EML6: variants seen among roughly 807,000 people sequenced by gnomAD.
EML6 encodes echinoderm microtubule-associated protein-like 6.
Under a neutral mutation model 240.1 loss-of-function variants are expected in EML6, and 154 were observed. The observed-to-expected ratio is 0.64, with a 90% CI of 0.56 to 0.73. EML6 has a LOEUF of 0.73. EML6 is among the 30% of genes least tolerant of loss of function. The probability of loss-of-function intolerance (pLI) is 0.00; values close to 1 mark genes in which losing one functional copy is unlikely to be tolerated. For synonymous variants in EML6, 1,148 were observed against 899.0 expected (o/e 1.28, Z -4.95); for missense variants, 2,964 against 2,474.6 (o/e 1.20, Z -4.20).
intron 2 of EML6, among the ~76,000 whole-genome samples, chr2:54,730,040 G>T (rs1683085609): frequency 6.6e-6 from 1 of 152,076 alleles, no homozygotes; most frequent in Non-Finnish European, 1.5e-5. Flanking sequence ...GGGACCTAGG[G>T]CCAGAGAATC....
intron 16 of EML6, among the ~76,000 whole-genome samples, chr2:54,874,520 G>A (rs1294937093): frequency 1.3e-5 from 2 of 152,130 alleles, no homozygotes; most frequent in Non-Finnish European, 2.9e-5. Flanking sequence ...CAGCAAATGT[G>A]TTGTTTTTGC....
intron 2 of EML6, among the ~76,000 whole-genome samples, chr2:54,770,231 T>G (rs778052963): frequency 1.4e-4 from 22 of 152,326 alleles, no homozygotes; most frequent in Non-Finnish European, 2.6e-4. Flanking sequence ...ATAAATAGTA[T>G]AAGGATATAA....
chr2:54,895,753 C>T (rs1015529480), intron 21 of EML6, among the ~76,000 whole-genome samples: 4 of 152,096 alleles, frequency 2.6e-5, no homozygotes, highest in African/African-American at 9.7e-5. Flanking sequence ...AATTAAGTTG[C>T]TTGTAAGTGT....
chr2:54,794,434 A>G (rs527608609), intron 2 of EML6, among the ~76,000 whole-genome samples: 1 of 152,246 alleles, frequency 6.6e-6, no homozygotes, highest in African/African-American at 2.4e-5. Context: ...TGATTACTAA[A>G]ACGTTAGTTC....
At chr2:54,880,245 T>A (rs953649427) in intron 17 of EML6, 1 of 152,384 alleles carries the variant, frequency 6.6e-6, no homozygotes, top group Non-Finnish European at 1.5e-5. Context: ...CCTACTTACA[T>A]TGAGCTCAGC....
At chr2:54,924,970 T>C (rs1041243244) in intron 26 of EML6, among the ~76,000 whole-genome samples, 1 of 152,254 alleles carries the variant, frequency 6.6e-6, no homozygotes, top group Non-Finnish European at 1.5e-5. Context: ...GTCTAACTGC[T>C]ATCACTCTGT....
intron 32 of EML6, 55 bp from the exon 33 acceptor site, chr2:54,957,735 C>T: frequency 1.3e-6 from 2 of 1,517,046 alleles, no homozygotes; most frequent in Non-Finnish European, 1.8e-6. Flanking sequence ...TGCGGCTCCC[C>T]CGGCCTGGCC....
At chr2:54,764,448 C>T (rs76689372) in intron 2 of EML6, among the ~76,000 whole-genome samples, 5,527 of 152,126 alleles carry the variant, frequency 0.036, 139 homozygotes, top group Admixed American at 0.08. Context: ...CCCTATTGCT[C>T]GTGAAACCTG....
intron 18 of EML6, among the ~76,000 whole-genome samples, chr2:54,891,623 C>G (rs1027028011): frequency 6.6e-6 from 1 of 152,148 alleles, no homozygotes; most frequent in African/African-American, 2.4e-5. Flanking sequence ...AGTAAATAAG[C>G]ATGAGAAAAC....
At chr2:54,841,311 C>A (rs934245238) in intron 7 of EML6, among the ~76,000 whole-genome samples, 2 of 152,186 alleles carry the variant, frequency 1.3e-5, no homozygotes, top group African/African-American at 2.4e-5. Context: ...CTCCTCCTGG[C>A]GGGAATAATA....
intron 2 of EML6, among the ~76,000 whole-genome samples, chr2:54,791,010 C>T (rs1175685361): frequency 6.6e-6 from 1 of 152,158 alleles, no homozygotes; most frequent in Non-Finnish European, 1.5e-5. Flanking sequence ...CAGGCGTGAG[C>T]CACCGCGCCC....
intron 26 of EML6, among the ~76,000 whole-genome samples, chr2:54,926,573 C>A (rs1008463391): frequency 7.9e-5 from 12 of 152,240 alleles, no homozygotes; most frequent in African/African-American, 2.9e-4. Context: ...CCTCCGTAGG[C>A]CCTGCCGGGA....
chr2:54,801,371 G>A lies in EML6; in HGVS notation c.198-11861G>A, dbSNP rs557354978. On this transcript the variant is annotated intron_variant, in intron 2 of 41. Coordinates refer to ENST00000356458, the MANE Select transcript of EML6 (RefSeq NM_001039753.4). The stretch of plus-strand genomic sequence containing the variant: ...GGAATTGAAAATTTCTTCCTATGAC[G>A]TGTCTGAGAATATGAAGTAATGAAA... Among the ~76,000 whole-genome samples, 251 of 151,932 alleles carry A rather than the reference G, an allele frequency of 1.7e-3. 1 individual carries two copies. The highest frequency in any genetic ancestry group is 5.8e-3 in the African/African-American group (239 of 41,424).
chr2:54,799,865 G>C (rs1210207685), intron 2 of EML6, among the ~76,000 whole-genome samples: 3 of 152,212 alleles, frequency 2.0e-5, no homozygotes, highest in Non-Finnish European at 4.4e-5. Flanking sequence ...TTACTAGATA[G>C]AGCTCTCTGA....
At chr2:54,754,740 T>G (rs1430411351) in intron 2 of EML6, among the ~76,000 whole-genome samples, 1 of 152,224 alleles carries the variant, frequency 6.6e-6, no homozygotes, top group African/African-American at 2.4e-5. Flanking sequence ...GTCCTGTTAA[T>G]GAAATATTTC....
intron 14 of EML6, 137 bp from the exon 15 acceptor site, chr2:54,869,044 C>A: frequency 1.8e-6 from 1 of 550,782 alleles, no homozygotes; most frequent in Non-Finnish European, 3.2e-6. Context: ...CTCATTTAAA[C>A]ATTGCTGTCC....
chr2:54,790,505 C>G (rs1296349257), intron 2 of EML6, among the ~76,000 whole-genome samples: 2 of 152,260 alleles, frequency 1.3e-5, no homozygotes, highest in East Asian at 3.9e-4. Context: ...ACACCATACT[C>G]TATTGTCACC....
At chr2:54,800,548 A>G (rs1367780326) in intron 2 of EML6, among the ~76,000 whole-genome samples, 1 of 152,162 alleles carries the variant, frequency 6.6e-6, no homozygotes, top group Non-Finnish European at 1.5e-5. Flanking sequence ...TCCCAAAACA[A>G]GCATGAATTG....
chr2:54,869,589 G>C lies in EML6; in HGVS notation c.2238+222G>C, dbSNP rs548813513. Among the ~76,000 whole-genome samples, 6 of 152,294 alleles carry C rather than the reference G, an allele frequency of 3.9e-5. No homozygotes were observed. The South Asian group carries it at 1.0e-3, about 26-fold the overall frequency. The stretch of plus-strand genomic sequence containing the variant: ...AGGAGTTCTTTTCCTGGAATGATGA[G>C]ATCTATGAATGGGACCAGCTAAAAC... On this transcript the variant is annotated intron_variant, in intron 15 of 41. Transcript: ENST00000356458.
Sources: allele counts gnomAD v4.1 joint callset (sites outside exome capture counted in the v4.1 genomes callset), GRCh38; gene constraint gnomAD v4.1.1; transcripts MANE v1.5; gene names NCBI Gene and HGNC (gene_info 2026-07-23, HGNC 2026-07-21).